Variants in MTUS1 observed in about 807,000 individuals in gnomAD.
The protein encoded by MTUS1 is microtubule associated scaffold protein 1, also known as microtubule-associated tumor suppressor 1.
Under a neutral mutation model 120.8 loss-of-function variants are expected in MTUS1, and 109 were observed. That is an observed-to-expected ratio of 0.90 (90% CI 0.77 to 1.06). MTUS1 has a LOEUF of 1.06. Among genes scored for constraint, MTUS1 ranks in the 50% least tolerant of loss-of-function variants. MTUS1 has a pLI of 0.00. For synonymous variants in MTUS1, 737 were observed against 550.5 expected, an observed-to-expected ratio of 1.34 and a Z score of -4.74; for missense variants, 2,210 against 1,486.3, an observed-to-expected ratio of 1.49 and a Z score of -8.01.
At position 17,787,183 on chromosome 8, in the gene MTUS1, C is replaced by G. The variant is rs530281354; in HGVS notation, c.-155+13878G>C. Among the ~76,000 whole-genome samples the G allele has an allele frequency of 1.2e-3, 188 of 152,316 alleles. 1 individual carries two copies. The highest frequency in any genetic ancestry group is 2.1e-3 in the Non-Finnish European group (145 of 68,030). ...TCCACTGCTCCACGCCAGGCCAGCA[C>G]AGTTTGTGAGGCCAGGATGAGGAAC... is the stretch of plus-strand genomic sequence containing the variant. On this transcript the variant is annotated intron_variant, in intron 1 of 14. Coordinates refer to ENST00000693296, the MANE Select transcript of MTUS1 (RefSeq NM_001363059.2).
At chr8:17,773,936 T>G (rs187088498) in intron 1 of MTUS1, among the ~76,000 whole-genome samples, 1 of 152,104 alleles carries the variant, frequency 6.6e-6, no homozygotes, top group Admixed American at 6.6e-5. Flanking sequence ...TATATAAAAA[T>G]AAGACTAGGA....
chr8:17,721,707 C>A, intron 4 of MTUS1: 1 of 1,549,642 alleles, frequency 6.5e-7, no homozygotes. Context: ...AAATCGTCGA[C>A]CTACTTTTTT....
At chr8:17,724,159 A>C (rs2046045103) in intron 3 of MTUS1, 1 of 481,482 alleles carries the variant, frequency 2.1e-6, no homozygotes, top group East Asian at 5.8e-5. Context: ...AGCTTTTGGC[A>C]AAACTGAAAT....
intron 7 of MTUS1, among the ~76,000 whole-genome samples, chr8:17,680,954 G>C (rs542128562): frequency 1.9e-4 from 29 of 150,756 alleles, no homozygotes; most frequent in Non-Finnish European, 4.0e-4. Context: ...TTTTTTTTAA[G>C]TTGGAATCTC....
chr8:17,653,712 C>T lies in MTUS1; in HGVS notation c.3215-214G>A. On this transcript the variant is annotated intron_variant, in intron 10 of 14. Transcript: ENST00000693296. ...CATTCCCATTTTATGACTGAGAGCCCTGAGGCCCACTGAAGCCCACCATGG... is the reference window on the plus strand; with the variant it reads ...CATTCCCATTTTATGACTGAGAGCCTTGAGGCCCACTGAAGCCCACCATGG... 6.4e-6 allele frequency: 3 copies of T among 469,510 alleles called. No individual in the cohort carries two copies. The South Asian group carries it at 9.3e-5, about 15-fold the overall frequency. The allele number at this position is 469,510 out of a possible 1,614,324, so 29.1% of individuals were successfully genotyped here.
At chr8:17,735,156 C>T (rs1327546606) in intron 3 of MTUS1, among the ~76,000 whole-genome samples, 1 of 152,156 alleles carries the variant, frequency 6.6e-6, no homozygotes, top group African/African-American at 2.4e-5. Flanking sequence ...AAACCTCAGG[C>T]ATGCACATAC....
intron 13 of MTUS1, among the ~76,000 whole-genome samples, chr8:17,648,033 A>C (rs1272584570): frequency 6.6e-6 from 1 of 152,236 alleles, no homozygotes; most frequent in Non-Finnish European, 1.5e-5. Flanking sequence ...GTAATTATGA[A>C]GGATTCCCAG....
At chr8:17,727,051 C>A (rs1177172021) in intron 3 of MTUS1, among the ~76,000 whole-genome samples, 1 of 152,134 alleles carries the variant, frequency 6.6e-6, no homozygotes, top group African/African-American at 2.4e-5. Flanking sequence ...CCCCGGCAAC[C>A]AAATATCATT....
Position 17,755,180 on chromosome 8 carries a change from A to G in MTUS1, c.628T>C (p.Ser210Pro). 1.2e-6 allele frequency: 2 copies of G among 1,614,206 alleles called. No individual in the cohort carries two copies. Among genetic ancestry groups the G allele is most frequent in the African/African-American group, 1.3e-5 (1 of 75,052 alleles). Residue 210 changes from serine (S) to proline (P), a missense_variant, in exon 2 of 15, where the codon TCT becomes CCT. Coordinates refer to ENST00000693296, the MANE Select transcript of MTUS1 (RefSeq NM_001363059.2). ...TSSLSYSTWT[S>P]SHSDKTHARE... Reference sequence around the variant, plus strand: ...GCATGCGTCTTATCAGAATGGGAAGATGTCCAAGTGGAATAGGATAAAGAA... The same window carrying G: ...GCATGCGTCTTATCAGAATGGGAAGGTGTCCAAGTGGAATAGGATAAAGAA...
chr8:17,697,429 G>A (rs182989791), intron 6 of MTUS1: 3 of 1,599,648 alleles, frequency 1.9e-6, no homozygotes, highest in African/African-American at 1.3e-5. Flanking sequence ...TCCATGGACT[G>A]TCACATACTG....
At chr8:17,784,695 G>C (rs961755451) in intron 1 of MTUS1, among the ~76,000 whole-genome samples, 1 of 152,124 alleles carries the variant, frequency 6.6e-6, no homozygotes, top group African/African-American at 2.4e-5. Context: ...CAGTCTCCGA[G>C]AAGTTCCGTG....
At chr8:17,720,708 C>G (rs2045770827) in intron 4 of MTUS1, among the ~76,000 whole-genome samples, 1 of 152,218 alleles carries the variant, frequency 6.6e-6, no homozygotes, top group Non-Finnish European at 1.5e-5. Flanking sequence ...CAACTCTGTT[C>G]ATGACATACA....
At chr8:17,798,229 C>G (rs1020786435) in intron 1 of MTUS1, among the ~76,000 whole-genome samples, 1 of 152,160 alleles carries the variant, frequency 6.6e-6, no homozygotes, top group Non-Finnish European at 1.5e-5. Flanking sequence ...ATATACCAGG[C>G]CCAGTGGCTT....
chr8:17,786,051 G>A lies in MTUS1; in HGVS notation c.-155+15010C>T, dbSNP rs571505191. 2.0e-5 allele frequency among the ~76,000 whole-genome samples: 3 copies of A among 152,064 alleles called. No homozygotes were observed. In the South Asian group the frequency reaches 6.2e-4, roughly 32 times the overall value. On this transcript the variant is annotated intron_variant, in intron 1 of 14. Coordinates refer to ENST00000693296, the MANE Select transcript of MTUS1 (RefSeq NM_001363059.2). The stretch of plus-strand genomic sequence containing the variant: ...GCTACTCAGGAGGCTGACACCAGAG[G>A]ATCACTTCAGCCCAGAAGTTAGAGG...
chr8:17,724,516 C>G (rs1308553694), intron 3 of MTUS1, among the ~76,000 whole-genome samples: 1 of 151,058 alleles, frequency 6.6e-6, no homozygotes, highest in East Asian at 2.1e-4. Context: ...ACCTTTTCTT[C>G]TTTACTCCCC....
chr8:17,705,451 G>A (rs1051443180), intron 6 of MTUS1, among the ~76,000 whole-genome samples: 2 of 152,170 alleles, frequency 1.3e-5, no homozygotes, highest in African/African-American at 4.8e-5. Context: ...ATGTGAAAAA[G>A]ATCTAGCTCC....
chr8:17,726,233 G>C (rs764236399), intron 3 of MTUS1, among the ~76,000 whole-genome samples: 1 of 152,162 alleles, frequency 6.6e-6, no homozygotes, highest in Non-Finnish European at 1.5e-5. Context: ...AGATCCCCAG[G>C]TGATTAAAAT....
Position 17,677,761 on chromosome 8 carries a change from C to G in MTUS1, c.2839-2509G>C, listed in dbSNP as rs530988517. ...GAAAACCTTGAGGTCATCTTTCACT[C>G]TTTGTCTAAATGGGTTGTGCAAAAG... is the stretch of plus-strand genomic sequence containing the variant. On this transcript the variant is annotated intron_variant, in intron 7 of 14. Coordinates refer to ENST00000693296, the MANE Select transcript of MTUS1 (RefSeq NM_001363059.2). Among the ~76,000 whole-genome samples, 19 of 152,282 alleles carry G rather than the reference C, an allele frequency of 1.2e-4. No individual in the cohort carries two copies. In the South Asian group the frequency reaches 3.7e-3, roughly 30 times the overall value.
intron 2 of MTUS1, among the ~76,000 whole-genome samples, chr8:17,744,206 A>G (rs1407326124): frequency 2.0e-5 from 3 of 152,188 alleles, no homozygotes; most frequent in Non-Finnish European, 4.4e-5. Flanking sequence ...CATTCTGTAG[A>G]GAATCTTCTT....
Sources: gnomAD v4.1 joint callset for allele counts (sites outside exome capture counted in the v4.1 genomes callset) on GRCh38, gnomAD v4.1.1 for gene constraint, MANE v1.5 for transcripts, NCBI Gene and HGNC (gene_info 2026-07-23, HGNC 2026-07-21) for gene names.